ALX4: variants seen among roughly 807,000 people sequenced by gnomAD.
The protein encoded by ALX4 is homeobox protein aristaless-like 4.
A neutral mutation model predicts 40.6 loss-of-function variants in ALX4; 22 were observed. The observed-to-expected ratio is 0.54, with a 90% CI of 0.39 to 0.77. The LOEUF (loss-of-function observed/expected upper bound fraction) is 0.77, where lower values mean the gene tolerates loss of function less well. ALX4 is among the 30% of genes least tolerant of loss of function. The probability of loss-of-function intolerance (pLI) is 0.00; values close to 1 mark genes in which losing one functional copy is unlikely to be tolerated. For missense variants in ALX4, 556 were observed against 564.8 expected, an observed-to-expected ratio of 0.98 and a Z score of 0.16; for synonymous variants, 266 against 240.5, an observed-to-expected ratio of 1.11 and a Z score of -0.98.
In ALX4 at chr11:44,309,892, G is replaced by A; in HGVS notation, c.171C>T (p.Phe57=). ...AACGGGCCCGGCTCTTGGCGTCCCC[G>A]AATCCCTGTGCTTTGGCGGCGGCCG... ...FLSAAAKAQG[F]GDAKSRARYG... Residue 57 remains phenylalanine (F), a synonymous_variant, in exon 1 of 4, where the codon TTC becomes TTT. Transcript: ENST00000652299. The A allele has an allele frequency of 6.3e-7, 1 of 1,582,220 alleles. No individual in the cohort carries two copies.
rs377130834 is a variant in ALX4 at position 44,310,107 on chromosome 11, G to A, written c.-45C>T. On this transcript the variant is annotated 5_prime_UTR_variant, in exon 1 of 4. Transcript: ENST00000652299. ...CGGGCGGGGACGCGAGCGAGGGCGCGAGGACGCCACCGCGCGCCTTGGCTG... is the reference window on the plus strand; with the variant it reads ...CGGGCGGGGACGCGAGCGAGGGCGCAAGGACGCCACCGCGCGCCTTGGCTG... The A allele has an allele frequency of 6.5e-7, 1 of 1,535,936 alleles. No homozygotes were observed. Among genetic ancestry groups the A allele is most frequent in the African/African-American group, 1.4e-5 (1 of 73,192 alleles).
chr11:44,273,340 A>T (rs1956260017), intron 2 of ALX4, among the ~76,000 whole-genome samples: 1 of 151,930 alleles, frequency 6.6e-6, no homozygotes, highest in Admixed American at 6.6e-5. Flanking sequence ...TATGACATTT[A>T]TTTTGTGTTA....
At chr11:44,272,113 A>C (rs890086818) in intron 2 of ALX4, among the ~76,000 whole-genome samples, 2 of 152,220 alleles carry the variant, frequency 1.3e-5, no homozygotes, top group Non-Finnish European at 2.9e-5. Flanking sequence ...GTCCAAATTC[A>C]AGTGAGATCT....
intron 2 of ALX4, among the ~76,000 whole-genome samples, chr11:44,271,972 T>C (rs1353888029): frequency 6.6e-6 from 1 of 152,194 alleles, no homozygotes; most frequent in African/African-American, 2.4e-5. Flanking sequence ...TACAGGGCTG[T>C]CCCATAACCA....
chr11:44,285,900 G>C (rs1392743791), intron 1 of ALX4, among the ~76,000 whole-genome samples: 1 of 152,282 alleles, frequency 6.6e-6, no homozygotes, highest in East Asian at 1.9e-4. Context: ...GGGCCTCCCA[G>C]ATGTACTGCT....
At chr11:44,275,319 A>G (rs750924687) in intron 2 of ALX4, 29 bp downstream of exon 2, 1 of 1,613,380 alleles carries the variant, frequency 6.2e-7, no homozygotes, top group Admixed American at 1.7e-5. Context: ...CTGCTTTACC[A>G]GCCTCACTCC....
chr11:44,285,125 C>T (rs1024001002), intron 1 of ALX4, among the ~76,000 whole-genome samples: 5 of 152,288 alleles, frequency 3.3e-5, no homozygotes, highest in South Asian at 4.1e-4. Flanking sequence ...GCACCACGCC[C>T]GGCTAATTTT....
At chr11:44,298,155 A>T (rs142627689) in intron 1 of ALX4, among the ~76,000 whole-genome samples, 1 of 152,230 alleles carries the variant, frequency 6.6e-6, no homozygotes, top group African/African-American at 2.4e-5. Flanking sequence ...TCCTCCATGC[A>T]TTCCTTCTGA....
intron 1 of ALX4, among the ~76,000 whole-genome samples, chr11:44,303,039 C>T (rs980579164): frequency 6.6e-6 from 1 of 152,110 alleles, no homozygotes; most frequent in African/African-American, 2.4e-5. Flanking sequence ...CTGGGGTGAT[C>T]TACACCGCAA....
intron 1 of ALX4, among the ~76,000 whole-genome samples, chr11:44,308,278 G>C (rs1956481279): frequency 6.6e-6 from 1 of 152,234 alleles, no homozygotes; most frequent in African/African-American, 2.4e-5. Flanking sequence ...AACTAGTTCT[G>C]CGCCTGTGAA....
Position 44,275,384 on chromosome 11 carries a change from C to G in ALX4, c.741G>C (p.Leu247=), listed in dbSNP as rs768770098. 4.3e-6 allele frequency: 7 copies of G among 1,614,088 alleles called. No homozygotes were observed. The highest frequency in any genetic ancestry group is 5.9e-6 in the Non-Finnish European group (7 of 1,180,046). Residue 247 remains leucine (L), a synonymous_variant, in exon 2 of 4, where the codon CTG becomes CTC. Coordinates refer to ENST00000652299, the MANE Select transcript of ALX4 (RefSeq NM_021926.4). ...CCTCAGTGAGGTCTGTCCTCATGGCCAGCTGTTCCCGCGCATACACGTCTG... is the reference window on the plus strand; with the variant it reads ...CCTCAGTGAGGTCTGTCCTCATGGCGAGCTGTTCCCGCGCATACACGTCTG... ...HYPDVYAREQ[L]AMRTDLTEAR...
In ALX4 at chr11:44,266,144, C is replaced by T. The variant is rs114993870; in HGVS notation, c.907-961G>A. On this transcript the variant is annotated intron_variant, in intron 3 of 3. Transcript: ENST00000652299. ...CTGGAGGGAACCGCATTTCTCTCTGCGGTGCAGGGGAAGGGGGACCGGTTG... is the reference window on the plus strand; with the variant it reads ...CTGGAGGGAACCGCATTTCTCTCTGTGGTGCAGGGGAAGGGGGACCGGTTG... Among the ~76,000 whole-genome samples the T allele has an allele frequency of 3.8e-3, 580 of 152,148 alleles. 5 individuals are homozygous for T. The highest frequency in any genetic ancestry group is 0.013 in the African/African-American group (538 of 41,510).
rs1018615182 is a variant in ALX4 at position 44,282,148 on chromosome 11, G to T, written c.467-6490C>A. Among the ~76,000 whole-genome samples, 7 of 152,366 alleles carry T rather than the reference G, an allele frequency of 4.6e-5. No homozygotes were observed. The East Asian group carries it at 1.3e-3, about 29-fold the overall frequency. On this transcript the variant is annotated intron_variant, in intron 1 of 3. Transcript: ENST00000652299. ...GGGAAGCCAGTGAAATCTGAATAAA[G>T]TGTGGAGTGTAGTTAATAGTAATAT...
chr11:44,278,209 T>C (rs1452461763), intron 1 of ALX4, among the ~76,000 whole-genome samples: 1 of 152,070 alleles, frequency 6.6e-6, no homozygotes, highest in Non-Finnish European at 1.5e-5. Context: ...GGGAGCTCCA[T>C]GTTACAGGAA....
chr11:44,287,512 C>T (rs2119842027), intron 1 of ALX4, among the ~76,000 whole-genome samples: 1 of 150,324 alleles, frequency 6.7e-6, no homozygotes, highest in South Asian at 2.1e-4. Flanking sequence ...CCTGTAATCC[C>T]AACATTTTGG....
chr11:44,309,749 G>A lies in ALX4; in HGVS notation c.314C>T (p.Pro105Leu), dbSNP rs750648485. ...CTGCGGCTGCTGCTGCTGCGGCTGCGGCTGCGGCGGCGGCTGGGGCTGCGG... is the reference window on the plus strand; with the variant it reads ...CTGCGGCTGCTGCTGCTGCGGCTGCAGCTGCGGCGGCGGCTGGGGCTGCGG... ...STPQPQPPPQ[P>L]QPQQQQPQPQ... The change falls in exon 1 of 4, where the codon CCG (proline) becomes CTG (leucine). Residue 105 changes from proline to leucine, a missense_variant. Physicochemically the swap from Pro to Leu is moderately conservative, Grantham distance 98 (BLOSUM62 -3). Transcript: ENST00000652299. The A allele has an allele frequency of 1.3e-6, 2 of 1,535,518 alleles. No homozygotes were observed. Among genetic ancestry groups the A allele is most frequent in the African/African-American group, 1.7e-5 (1 of 60,574 alleles).
At chr11:44,286,560 A>G (rs1478050271) in intron 1 of ALX4, among the ~76,000 whole-genome samples, 1 of 152,092 alleles carries the variant, frequency 6.6e-6, no homozygotes, top group Admixed American at 6.5e-5. Context: ...GTGCCTAATG[A>G]GGTTTCTAGA....
chr11:44,309,667 G>A lies in ALX4; in HGVS notation c.396C>T (p.Pro132=), dbSNP rs1443802785. ...CCTGGAGTTTGAGGCTGCCGTCCGG[G>A]GGCGTCTTGCAGGCGCCTCGCTGCA... ...LYLQRGACKT[P]PDGSLKLQEG... is the part of the protein sequence containing the mutation. The change falls in exon 1 of 4, where the codon CCC becomes CCT. Residue 132 remains proline (P), a synonymous_variant. Transcript: ENST00000652299. The A allele has an allele frequency of 1.3e-6, 2 of 1,592,358 alleles. No homozygotes were observed. Among genetic ancestry groups the A allele is most frequent in the South Asian group, 1.1e-5 (1 of 89,340 alleles).
At chr11:44,305,810 T>C (rs1426475779) in intron 1 of ALX4, among the ~76,000 whole-genome samples, 1 of 152,096 alleles carries the variant, frequency 6.6e-6, no homozygotes, top group Non-Finnish European at 1.5e-5. Context: ...GAGGTAACAA[T>C]CTGCTTTCAA....
Sources: gnomAD v4.1 joint callset for allele counts (sites outside exome capture counted in the v4.1 genomes callset) on GRCh38, gnomAD v4.1.1 for gene constraint, MANE v1.5 for transcripts, NCBI Gene and HGNC (gene_info 2026-07-23, HGNC 2026-07-21) for gene names.